Variants in CDH20 observed in about 807,000 individuals in gnomAD.
CDH20 encodes cadherin 20.
A neutral mutation model predicts 74.2 loss-of-function variants in CDH20; 29 were observed. The ratio of observed to expected loss-of-function variants is 0.39; its 90% CI spans 0.29 to 0.53. CDH20 has a LOEUF of 0.53. Among genes scored for constraint, CDH20 ranks in the 20% least tolerant of loss-of-function variants. CDH20 has a pLI of 0.69. For synonymous variants in CDH20, 469 were observed against 405.4 expected (o/e 1.16, Z -1.88); for missense variants, 988 against 1,048.3 (o/e 0.94, Z 0.79).
intron 1 of CDH20, among the ~76,000 whole-genome samples, chr18:61,460,253 A>G (rs1411006901): frequency 6.6e-6 from 1 of 152,190 alleles, no homozygotes; most frequent in Non-Finnish European, 1.5e-5. Context: ...TTAGGGGGGA[A>G]AAAATAAATA....
chr18:61,549,366 G>C (rs1459098515), intron 10 of CDH20, among the ~76,000 whole-genome samples: 1 of 152,158 alleles, frequency 6.6e-6, no homozygotes, highest in Admixed American at 6.5e-5. Flanking sequence ...CACCAACCCA[G>C]GAGAAATAAC....
chr18:61,541,045 T>C (rs1913016456), intron 9 of CDH20, among the ~76,000 whole-genome samples: 1 of 152,164 alleles, frequency 6.6e-6, no homozygotes, highest in Non-Finnish European at 1.5e-5. Context: ...TGAAATGTTA[T>C]GCAGCCAATA....
At chr18:61,486,059 CGAGA>C (rs1568159663) in intron 1 of CDH20, among the ~76,000 whole-genome samples, 1 of 143,476 alleles carries the variant, frequency 7.0e-6, no homozygotes, top group African/African-American at 2.6e-5. Flanking sequence ...GGCGACAGAG[CGAGA>C]CTCCATCTCA....
intron 1 of CDH20, among the ~76,000 whole-genome samples, chr18:61,425,063 CTCT>C (rs1913025493): frequency 6.6e-6 from 1 of 151,468 alleles, no homozygotes; most frequent in Non-Finnish European, 1.5e-5. Flanking sequence ...CTCTCTCTCT[CTCT>C]CTCTCTCTCT....
At chr18:61,401,022 G>T (rs376229622) in intron 1 of CDH20, among the ~76,000 whole-genome samples, 1 of 152,204 alleles carries the variant, frequency 6.6e-6, no homozygotes, top group South Asian at 2.1e-4. Flanking sequence ...ATGCGTTGAA[G>T]GGCTGGCCCT....
chr18:61,341,298 T>C (rs1418193880), intron 1 of CDH20, among the ~76,000 whole-genome samples: 4 of 152,164 alleles, frequency 2.6e-5, no homozygotes, highest in Non-Finnish European at 5.9e-5. Context: ...ACTGCTATCA[T>C]CTCATTGTAT....
At chr18:61,462,250 T>G (rs891804134) in intron 1 of CDH20, among the ~76,000 whole-genome samples, 4 of 152,162 alleles carry the variant, frequency 2.6e-5, no homozygotes, top group African/African-American at 9.6e-5. Flanking sequence ...TTTAGTCATT[T>G]CACAATGTAT....
chr18:61,415,558 G>A lies in CDH20; in HGVS notation c.-152-74844G>A, dbSNP rs191054922. ...GTATTGTTCACTCATCTTTTCTTGA[G>A]TTGGAGAAAATTCAGGCAGAATATC... On this transcript the variant is annotated intron_variant, in intron 1 of 11. Transcript: ENST00000262717. 9.2e-5 allele frequency among the ~76,000 whole-genome samples: 14 copies of A among 152,194 alleles called. 1 individual carries two copies. In the East Asian group the frequency reaches 2.7e-3, roughly 29 times the overall value.
chr18:61,506,771 T>C (rs1483582617), intron 5 of CDH20, among the ~76,000 whole-genome samples: 1 of 152,138 alleles, frequency 6.6e-6, no homozygotes, highest in Non-Finnish European at 1.5e-5. Context: ...GAAGGGTCTG[T>C]CCATGGAGAG....
Position 61,472,393 on chromosome 18 carries a change from C to T in CDH20, c.-152-18009C>T, listed in dbSNP as rs1309538934. Among the ~76,000 whole-genome samples, 7 of 151,982 alleles carry T rather than the reference C, an allele frequency of 4.6e-5. No homozygotes were observed. In the East Asian group the frequency reaches 1.4e-3, roughly 29 times the overall value. ...CTGATGTCCTCGCATCCGATGGCCT[C>T]TTTCATCCCTGATTCTAATTTAAAG... On this transcript the variant is annotated intron_variant, in intron 1 of 11. Transcript: ENST00000262717.
chr18:61,426,554 T>A (rs1055476379), intron 1 of CDH20, among the ~76,000 whole-genome samples: 1 of 152,220 alleles, frequency 6.6e-6, no homozygotes, highest in Non-Finnish European at 1.5e-5. Flanking sequence ...GCTCCCTAAC[T>A]GCAGCCTTAC....
chr18:61,359,887 A>G (rs1030230081), intron 1 of CDH20, among the ~76,000 whole-genome samples: 6 of 152,190 alleles, frequency 3.9e-5, no homozygotes, highest in Admixed American at 3.3e-4. Flanking sequence ...TCCAAACTCC[A>G]TCTATGTGCA....
chr18:61,361,941 G>A (rs1423299308), intron 1 of CDH20, among the ~76,000 whole-genome samples: 1 of 152,100 alleles, frequency 6.6e-6, no homozygotes, highest in African/African-American at 2.4e-5. Flanking sequence ...GTTGTGCAGT[G>A]CTTTATGTTT....
chr18:61,532,770 T>G (rs1442376100), intron 7 of CDH20, among the ~76,000 whole-genome samples: 1 of 152,216 alleles, frequency 6.6e-6, no homozygotes, highest in Admixed American at 6.5e-5. Context: ...AAATTGCTGC[T>G]TCTCCGTCTC....
At chr18:61,500,941 G>A (rs1415418011) in intron 4 of CDH20, among the ~76,000 whole-genome samples, 1 of 152,222 alleles carries the variant, frequency 6.6e-6, no homozygotes, top group Non-Finnish European at 1.5e-5. Flanking sequence ...TTGCTTATCA[G>A]ATAAAGCAAT....
chr18:61,381,082 TA>T (rs1323724139), intron 1 of CDH20, among the ~76,000 whole-genome samples: 3 of 152,202 alleles, frequency 2.0e-5, no homozygotes, highest in Non-Finnish European at 4.4e-5. Flanking sequence ...TTTCTCATAT[TA>T]AAGAAGCATG....
chr18:61,385,561 T>C (rs1392565705), intron 1 of CDH20, among the ~76,000 whole-genome samples: 4 of 149,644 alleles, frequency 2.7e-5, no homozygotes, highest in African/African-American at 9.8e-5. Flanking sequence ...AAAAATGAAA[T>C]GAAAAGGCAA....
chr18:61,524,274 TA>T (rs1299085325), intron 6 of CDH20, among the ~76,000 whole-genome samples: 1 of 152,188 alleles, frequency 6.6e-6, no homozygotes, highest in Admixed American at 6.5e-5. Flanking sequence ...CTAGGATAGA[TA>T]AAAATTTTAA....
intron 5 of CDH20, 142 bp downstream of exon 5, chr18:61,503,262 C>A: frequency 1.7e-6 from 1 of 572,696 alleles, no homozygotes; most frequent in Non-Finnish European, 2.9e-6. Context: ...TCATGCAATT[C>A]TCGCATAACT....
Sources: allele counts gnomAD v4.1 joint callset (sites outside exome capture counted in the v4.1 genomes callset), GRCh38; gene constraint gnomAD v4.1.1; transcripts MANE v1.5; gene names NCBI Gene and HGNC (gene_info 2026-07-23, HGNC 2026-07-21).